The following RPS6KC1 variants were observed in gnomAD, a reference collection of about 807,000 sequenced individuals.
RPS6KC1 encodes inactive ribosomal protein S6 kinase delta-1.
A neutral mutation model predicts 103.8 loss-of-function variants in RPS6KC1; 54 were observed. The ratio of observed to expected loss-of-function variants is 0.52; its 90% CI spans 0.42 to 0.65. The LOEUF is 0.65. Among genes scored for constraint, RPS6KC1 ranks in the 30% least tolerant of loss-of-function variants. The probability of loss-of-function intolerance (pLI) is 0.00; values close to 1 mark genes in which losing one functional copy is unlikely to be tolerated. For synonymous variants in RPS6KC1, 439 were observed against 438.7 expected (o/e 1.00, Z -0.01); for missense variants, 1,151 against 1,253.8 (o/e 0.92, Z 1.24).
At chr1:213,293,198 A>G in the RPS6KC1 span, among the ~76,000 whole-genome samples, 1 of 152,234 alleles carries the variant, frequency 6.6e-6, no homozygotes, top group Admixed American at 6.5e-5. Flanking sequence ...GTGTTAATTA[A>G]TGCTTATTTA....
chr1:213,327,024 C>G, the RPS6KC1 span, among the ~76,000 whole-genome samples: 1 of 151,160 alleles, frequency 6.6e-6, no homozygotes, highest in Admixed American at 6.6e-5. Flanking sequence ...TTTTGTTCTT[C>G]CTCTTTTTTC....
the RPS6KC1 span, among the ~76,000 whole-genome samples, chr1:213,509,245 G>A: frequency 6.6e-6 from 1 of 152,108 alleles, no homozygotes; most frequent in Non-Finnish European, 1.5e-5. Flanking sequence ...ATTAAGGCAA[G>A]GAAGGAGAAT....
chr1:213,468,995 A>G, the RPS6KC1 span, among the ~76,000 whole-genome samples: 2,757 of 152,282 alleles, frequency 0.018, 103 homozygotes, highest in African/African-American at 0.064. Context: ...GACACCTCAG[A>G]GAAAGCTTTC....
chr1:213,563,512 CT>C, the RPS6KC1 span, among the ~76,000 whole-genome samples: 83,262 of 151,918 alleles, frequency 0.55, 24,221 homozygotes, highest in Non-Finnish European at 0.64. Flanking sequence ...TGTGGTTAAA[CT>C]TTTTTTCTTT....
the RPS6KC1 span, among the ~76,000 whole-genome samples, chr1:213,726,433 T>C: frequency 6.6e-6 from 1 of 152,158 alleles, no homozygotes; most frequent in East Asian, 1.9e-4. Flanking sequence ...AAAAAAGAGG[T>C]ATCTCCCTTT....
the RPS6KC1 span, among the ~76,000 whole-genome samples, chr1:213,467,949 C>T: frequency 6.6e-6 from 1 of 152,132 alleles, no homozygotes; most frequent in African/African-American, 2.4e-5. Flanking sequence ...CATTATACAC[C>T]CTTGTAATGG....
At chr1:213,662,424 G>T in the RPS6KC1 span, among the ~76,000 whole-genome samples, 1 of 119,728 alleles carries the variant, frequency 8.4e-6, no homozygotes, top group African/African-American at 3.1e-5. Context: ...ATCACACCTG[G>T]CTAATTTTTT....
At chr1:213,699,860 T>C in the RPS6KC1 span, among the ~76,000 whole-genome samples, 2 of 152,188 alleles carry the variant, frequency 1.3e-5, no homozygotes, top group South Asian at 2.1e-4. Flanking sequence ...AAGAAATGTC[T>C]ATTCAAATCT....
the RPS6KC1 span, among the ~76,000 whole-genome samples, chr1:213,857,346 A>C: frequency 6.6e-6 from 1 of 152,366 alleles, no homozygotes; most frequent in East Asian, 1.9e-4. Flanking sequence ...TACCAGGGCA[A>C]GAATCTTTCT....
At chr1:213,068,247 A>G (rs144476914) in intron 1 of RPS6KC1, among the ~76,000 whole-genome samples, 2,302 of 152,152 alleles carry the variant, frequency 0.015, 58 homozygotes, top group Admixed American at 0.023. Context: ...GCACTTTGGG[A>G]GGCTGAGACG....
rs1014534468 is a variant in RPS6KC1 at position 213,068,669 on chromosome 1, T to G, written c.106-2337T>G. Among the ~76,000 whole-genome samples, 4 of 152,034 alleles carry G rather than the reference T, an allele frequency of 2.6e-5. No homozygotes were observed. In the South Asian group the frequency reaches 8.3e-4, roughly 32 times the overall value. On this transcript the variant is annotated intron_variant, in intron 1 of 14. Transcript: ENST00000366960. ...ACCTGTTATAGTCTCTTATACTGAA[T>G]CTGTGTTGTCTAATTTGGTAGCCAT...
chr1:213,261,356 A>G (rs1237890077), intron 12 of RPS6KC1, among the ~76,000 whole-genome samples: 2 of 152,100 alleles, frequency 1.3e-5, no homozygotes, highest in African/African-American at 4.8e-5. Flanking sequence ...TGAGTTTAAT[A>G]TATGACTGCA....
chr1:213,384,568 G>A, the RPS6KC1 span, among the ~76,000 whole-genome samples: 2 of 152,098 alleles, frequency 1.3e-5, no homozygotes, highest in African/African-American at 4.8e-5. Flanking sequence ...ACCACGGGAA[G>A]GTGTCGAGGG....
the RPS6KC1 span, among the ~76,000 whole-genome samples, chr1:213,285,220 G>A: frequency 1.3e-5 from 2 of 152,172 alleles, no homozygotes; most frequent in Non-Finnish European, 2.9e-5. Context: ...GGGGAGAGCA[G>A]AGAGAGGAAG....
At chr1:213,547,440 T>C in the RPS6KC1 span, among the ~76,000 whole-genome samples, 1 of 152,246 alleles carries the variant, frequency 6.6e-6, no homozygotes, top group Admixed American at 6.5e-5. Flanking sequence ...TCTGCCACTA[T>C]TTTGGAAAAC....
chr1:213,086,213 G>A (rs887120265), intron 3 of RPS6KC1, among the ~76,000 whole-genome samples: 2 of 152,162 alleles, frequency 1.3e-5, no homozygotes, highest in East Asian at 1.9e-4. Flanking sequence ...GTGTGCTTCC[G>A]TTCCTATTTG....
intron 12 of RPS6KC1, among the ~76,000 whole-genome samples, chr1:213,257,421 A>G (rs1256966402): frequency 2.0e-5 from 3 of 152,224 alleles, no homozygotes; most frequent in African/African-American, 7.2e-5. Flanking sequence ...AGCACATGTT[A>G]TTAGACCCTA....
At chr1:213,058,051 C>T (rs970405441) in intron 1 of RPS6KC1, among the ~76,000 whole-genome samples, 2 of 143,136 alleles carry the variant, frequency 1.4e-5, no homozygotes, top group African/African-American at 5.1e-5. Flanking sequence ...TACAGACGTG[C>T]GCCTGACCTT....
chr1:213,240,097 C>T (rs2094316937), intron 10 of RPS6KC1, among the ~76,000 whole-genome samples: 1 of 152,058 alleles, frequency 6.6e-6, no homozygotes, highest in Non-Finnish European at 1.5e-5. Flanking sequence ...AATTAATTTT[C>T]CTCAGTAGCT....
Sources: gnomAD v4.1 joint callset for allele counts (sites outside exome capture counted in the v4.1 genomes callset) on GRCh38, gnomAD v4.1.1 for gene constraint, MANE v1.5 for transcripts, NCBI Gene and HGNC (gene_info 2026-07-23, HGNC 2026-07-21) for gene names.